Variants in TTC28 observed in about 807,000 individuals in gnomAD.
TTC28 encodes tetratricopeptide repeat domain 28.
Under a neutral mutation model 198.0 loss-of-function variants are expected in TTC28, and 61 were observed. The observed-to-expected ratio is 0.31, with a 90% CI of 0.25 to 0.38. The LOEUF (loss-of-function observed/expected upper bound fraction) is 0.38, where lower values mean the gene tolerates loss of function less well. Among genes scored for constraint, TTC28 ranks in the 10% least tolerant of loss-of-function variants. The pLI is 1.00. For missense variants in TTC28, 2,678 were observed against 3,164.0 expected (o/e 0.85, Z 3.69); for synonymous variants, 1,171 against 1,297.8 (o/e 0.90, Z 2.10).
chr22:28,063,347 T>C (rs879666003), intron 12 of TTC28, among the ~76,000 whole-genome samples: 1 of 152,226 alleles, frequency 6.6e-6, no homozygotes, highest in African/African-American at 2.4e-5. Context: ...TAGTTTACTA[T>C]TGGAGCTTTA....
At position 28,220,624 on chromosome 22, in the gene TTC28, C is replaced by A. The variant is rs567697062; in HGVS notation, c.934-57025G>T. 2.6e-4 allele frequency among the ~76,000 whole-genome samples: 39 copies of A among 152,286 alleles called. 1 individual carries two copies. In the South Asian group the frequency reaches 3.3e-3, roughly 13 times the overall value. ...TAGCTACTTGCTACCTCATAGCCAG[C>A]AAGGGAGAGAGAGACTCCAGCAAAA... On this transcript the variant is annotated intron_variant, in intron 5 of 22. Transcript: ENST00000397906.
chr22:28,325,705 G>C (rs2045518165), intron 2 of TTC28, among the ~76,000 whole-genome samples: 3 of 152,164 alleles, frequency 2.0e-5, no homozygotes, highest in South Asian at 4.2e-4. Flanking sequence ...CTTCAACAGA[G>C]AGGATATTCA....
At chr22:28,006,135 C>T (rs779664542) in intron 14 of TTC28, among the ~76,000 whole-genome samples, 1 of 152,116 alleles carries the variant, frequency 6.6e-6, no homozygotes, top group Non-Finnish European at 1.5e-5. Flanking sequence ...CCTGCCAAGT[C>T]AGGGTGCTCC....
At chr22:28,578,033 T>TCTTC (rs923497493) in intron 2 of TTC28, among the ~76,000 whole-genome samples, 2 of 152,116 alleles carry the variant, frequency 1.3e-5, no homozygotes, top group Non-Finnish European at 2.9e-5. Context: ...TGTGGTCTTC[T>TCTTC]CTTCCTTCTT....
At chr22:28,599,338 T>C (rs1454038950) in intron 2 of TTC28, among the ~76,000 whole-genome samples, 4 of 152,198 alleles carry the variant, frequency 2.6e-5, no homozygotes. Context: ...TGGTAACTAG[T>C]TTTTAGAATA....
Position 28,101,287 on chromosome 22 carries a change from C to T in TTC28, c.3308-7G>A, listed in dbSNP as rs1942144301. The T allele has an allele frequency of 6.5e-7, 1 of 1,548,426 alleles. No individual in the cohort carries two copies. The highest frequency in any genetic ancestry group is 1.4e-5 in the African/African-American group (1 of 73,076). On this transcript the variant is annotated splice_polypyrimidine_tract_variant and splice_region_variant and intron_variant, in intron 8 of 22. Transcript: ENST00000397906. ...TGCTCAGCTAACCTTAAACCTGAAA[C>T]CAGATAGAGAAATTTAAGGAAACAT...
intron 2 of TTC28, among the ~76,000 whole-genome samples, chr22:28,579,499 T>C (rs2050202089): frequency 6.7e-6 from 1 of 148,708 alleles, no homozygotes; most frequent in East Asian, 2.0e-4. Context: ...ATATGTATAG[T>C]TATATATAGT....
rs972625345 is a variant in TTC28 at position 27,989,985 on chromosome 22, A to G, written c.5600T>C (p.Leu1867Pro). The change falls in exon 21 of 23, where the codon CTC (leucine) becomes CCC (proline). Residue 1867 changes from leucine (L) to proline (P), a missense_variant. Transcript: ENST00000397906. ...VGMLHQVLVQ[L>P]QAGEKEQDLA... Reference sequence around the variant, plus strand: ...GTCCTGCTCCTTCTCGCCAGCCTGGAGCTGAACCAGCACCTGGTGGAGCTG... The same window carrying G: ...GTCCTGCTCCTTCTCGCCAGCCTGGGGCTGAACCAGCACCTGGTGGAGCTG... The G allele has an allele frequency of 6.4e-7, 1 of 1,551,052 alleles. No homozygotes were observed. Among genetic ancestry groups the G allele is most frequent in the Non-Finnish European group, 8.7e-7 (1 of 1,146,794 alleles).
At chr22:28,088,609 A>C (rs1428030023) in intron 12 of TTC28, among the ~76,000 whole-genome samples, 1 of 152,230 alleles carries the variant, frequency 6.6e-6, no homozygotes, top group Admixed American at 6.5e-5. Context: ...ATGGGCAAGG[A>C]CTTCGTGTAT....
intron 2 of TTC28, among the ~76,000 whole-genome samples, chr22:28,434,239 G>T (rs2047481397): frequency 6.6e-6 from 1 of 152,130 alleles, no homozygotes; most frequent in African/African-American, 2.4e-5. Context: ...TTCCTTAAAA[G>T]CTCCTAAAGG....
At chr22:28,368,382 G>C (rs988619754) in intron 2 of TTC28, among the ~76,000 whole-genome samples, 1 of 152,024 alleles carries the variant, frequency 6.6e-6, no homozygotes, top group Non-Finnish European at 1.5e-5. Context: ...ACTGAGTATA[G>C]AAGGAACATG....
At chr22:28,321,566 C>A (rs147664578) in intron 2 of TTC28, among the ~76,000 whole-genome samples, 23 of 152,220 alleles carry the variant, frequency 1.5e-4, no homozygotes, top group Non-Finnish European at 3.2e-4. Context: ...TGATTTGGGG[C>A]AAGTTTTGTA....
intron 2 of TTC28, among the ~76,000 whole-genome samples, chr22:28,499,139 C>G (rs1247761241): frequency 6.6e-6 from 1 of 152,096 alleles, no homozygotes; most frequent in Non-Finnish European, 1.5e-5. Flanking sequence ...GATTGTACCA[C>G]TACACTCAGC....
At chr22:28,576,756 T>C (rs369707113) in intron 2 of TTC28, among the ~76,000 whole-genome samples, 6 of 152,090 alleles carry the variant, frequency 3.9e-5, no homozygotes, top group African/African-American at 1.4e-4. Context: ...TTTTAGGTTT[T>C]CCAATGTATT....
intron 5 of TTC28, among the ~76,000 whole-genome samples, chr22:28,165,294 C>T (rs1009505238): frequency 1.3e-5 from 2 of 152,170 alleles, no homozygotes; most frequent in Admixed American, 1.3e-4. Flanking sequence ...TCTAGCAAGG[C>T]AGGCCAACAT....
chr22:28,613,753 G>T (rs532714286), intron 2 of TTC28, among the ~76,000 whole-genome samples: 1 of 152,266 alleles, frequency 6.6e-6, no homozygotes, highest in African/African-American at 2.4e-5. Context: ...ACTCCTTCAT[G>T]ATAAAAACTC....
intron 6 of TTC28, among the ~76,000 whole-genome samples, chr22:28,161,750 GGAC>G (rs1921219694): frequency 6.8e-6 from 1 of 147,124 alleles, no homozygotes; most frequent in Non-Finnish European, 1.5e-5. Context: ...GGACAGGACA[GGAC>G]AGGAAAGGAA....
intron 2 of TTC28, among the ~76,000 whole-genome samples, chr22:28,455,806 T>C (rs2047851034): frequency 6.6e-6 from 1 of 152,126 alleles, no homozygotes; most frequent in Non-Finnish European, 1.5e-5. Context: ...TCTCACCCAC[T>C]TTCTAAGATG....
rs117201634 is a variant in TTC28 at position 28,414,336 on chromosome 22, G to A, written c.382-107693C>T. ...AACTGAGGAATATTTGAAACATTTG[G>A]GATGCTAACTGCAACCCTCTAAAAT... On this transcript the variant is annotated intron_variant, in intron 2 of 22. Transcript: ENST00000397906. 1.1e-3 allele frequency among the ~76,000 whole-genome samples: 173 copies of A among 152,238 alleles called. 3 individuals carry two copies. The East Asian group carries it at 0.031, about 27-fold the overall frequency.
Sources: allele counts gnomAD v4.1 joint callset (sites outside exome capture counted in the v4.1 genomes callset), GRCh38; gene constraint gnomAD v4.1.1; transcripts MANE v1.5; gene names NCBI Gene and HGNC (gene_info 2026-07-23, HGNC 2026-07-21).